The following TOP1MT variants were observed in gnomAD, a reference collection of about 807,000 sequenced individuals.
TOP1MT encodes DNA topoisomerase I mitochondrial.
In TOP1MT, 80 loss-of-function variants were observed where a neutral mutation model predicts 73.9. That is an observed-to-expected ratio of 1.08 (90% CI 0.90 to 1.30). The LOEUF (loss-of-function observed/expected upper bound fraction) is 1.30, where lower values mean the gene tolerates loss of function less well. Among genes scored for constraint, TOP1MT ranks in the 50% most tolerant of loss-of-function variants. The pLI is 0.00. For synonymous variants in TOP1MT, 338 were observed against 326.4 expected (o/e 1.04, Z -0.38); for missense variants, 815 against 808.0 (o/e 1.01, Z -0.10).
At chr8:143,330,172 G>C (rs1816813943) in intron 2 of TOP1MT, among the ~76,000 whole-genome samples, 1 of 152,242 alleles carries the variant, frequency 6.6e-6, no homozygotes, top group Admixed American at 6.5e-5. Flanking sequence ...GAGACCAGCA[G>C]CACAGGCCCG....
intron 1 of TOP1MT, 100 bp downstream of exon 1, chr8:143,334,640 G>A: frequency 1.3e-6 from 2 of 1,503,014 alleles, no homozygotes; most frequent in Non-Finnish European, 1.8e-6. Context: ...AAAACCGGAA[G>A]CAGGGCAAGG....
chr8:143,329,396 G>A lies in TOP1MT; in HGVS notation c.314C>T (p.Thr105Ile). 1 of 1,610,094 alleles carries A rather than the reference G, an allele frequency of 6.2e-7. No homozygotes were observed. Among genetic ancestry groups the A allele is most frequent in the Non-Finnish European group, 8.5e-7 (1 of 1,178,980 alleles). Residue 105 changes from threonine to isoleucine, a missense_variant, in exon 3 of 14, where the codon ACA (threonine) becomes ATA (isoleucine). Around this residue, in one of 3 missense-constraint regions of TOP1MT, gnomAD observed 751 missense variants for 725.4 expected, o/e 1.04. Coordinates refer to ENST00000329245, the MANE Select transcript of TOP1MT (RefSeq NM_052963.3). ...GTTCTTCCGGAAAACCTCCTTTGTT[G>A]TGTATTCATGATCTAACATCCTCCC... Reference protein sequence around the residue: ...FYGRMLDHEYTTKEVFRKNFF... With the variant: ...FYGRMLDHEYITKEVFRKNFF...
Position 143,334,125 on chromosome 8 carries a change from C to T in TOP1MT, c.122+615G>A, listed in dbSNP as rs566287155. On this transcript the variant is annotated intron_variant, in intron 1 of 13. Coordinates refer to ENST00000329245, the MANE Select transcript of TOP1MT (RefSeq NM_052963.3). ...CCACGCACCAGTGAGGCTGTCAACT[C>T]TCCAGCTCTTCGGAAACTCCAGCAT... is the stretch of plus-strand genomic sequence containing the variant. 7 of 141,800 alleles carry T rather than the reference C, an allele frequency of 4.9e-5. No homozygotes were observed. In the South Asian group the frequency reaches 1.5e-3, roughly 29 times the overall value. The allele number at this position is 141,800 out of a possible 1,614,324, so 8.8% of individuals were successfully genotyped here. A position where few individuals can be genotyped will look rare whatever the true frequency, so the allele number is the denominator to read the frequency against.
chr8:143,356,306 C>T (rs182915580), upstream of TOP1MT, among the ~76,000 whole-genome samples: 2 of 152,328 alleles, frequency 1.3e-5, no homozygotes, highest in South Asian at 2.1e-4. Flanking sequence ...GATGGACAAG[C>T]GTGCAGTCCC....
intron 9 of TOP1MT, 68 bp downstream of exon 9, chr8:143,317,950 C>G (rs1463280996): frequency 6.3e-7 from 1 of 1,596,630 alleles, no homozygotes; most frequent in Non-Finnish European, 8.6e-7. Context: ...CTGGGCCAGA[C>G]TCAGCGCCCA....
chr8:143,327,673 G>A (rs1338872649), intron 3 of TOP1MT: 1 of 360,770 alleles, frequency 2.8e-6, no homozygotes, highest in African/African-American at 2.1e-5. Context: ...CTAGTGACTG[G>A]AAGAAGTGCT....
Position 143,324,147 on chromosome 8 carries a change from A to G in TOP1MT, c.817-5T>C. The G allele has an allele frequency of 6.2e-7, 1 of 1,612,784 alleles. No homozygotes were observed. Among genetic ancestry groups the G allele is most frequent in the Non-Finnish European group, 8.5e-7 (1 of 1,179,716 alleles). On this transcript the variant is annotated splice_region_variant and splice_polypyrimidine_tract_variant and intron_variant, in intron 6 of 13. Transcript: ENST00000329245. ...CTTCTGCCAAGCTGTCTCCCCCTAA[A>G]CGAAGAAAATAACAGGAAAGAAAAC...
upstream of TOP1MT, among the ~76,000 whole-genome samples, chr8:143,337,351 G>A (rs1817000064): frequency 1.3e-5 from 2 of 152,120 alleles, no homozygotes; most frequent in South Asian, 4.1e-4. Flanking sequence ...CTTGCAGTGA[G>A]CCGAGATCAC....
At chr8:143,326,365 C>A in intron 3 of TOP1MT, 21 bp from the exon 4 acceptor site, 1 of 1,613,706 alleles carries the variant, frequency 6.2e-7, no homozygotes, top group Non-Finnish European at 8.5e-7. Context: ...CACAGACACG[C>A]GCTCTCACCA....
Position 143,317,668 on chromosome 8 carries a change from C to A in TOP1MT, c.1330+55G>T. Reference sequence around the variant, plus strand: ...ACAAGGGCCAGCCGGGGAGCCCGGTCTGGGGCAGGGGCCGTGCTCCCCCCG... The same window carrying A: ...ACAAGGGCCAGCCGGGGAGCCCGGTATGGGGCAGGGGCCGTGCTCCCCCCG... On this transcript the variant is annotated intron_variant, in intron 10 of 13. Transcript: ENST00000329245. 3 of 1,467,754 alleles carry A rather than the reference C, an allele frequency of 2.0e-6. No homozygotes were observed. The South Asian group carries it at 3.5e-5, about 17-fold the overall frequency. 90.9% of individuals were successfully genotyped at this position (1,467,754 alleles called of 1,614,324 possible). A position where few individuals can be genotyped will look rare whatever the true frequency, so the allele number is the denominator to read the frequency against.
intron 12 of TOP1MT, 94 bp downstream of exon 12, chr8:143,315,633 C>A (rs1586750027): frequency 5.0e-6 from 4 of 796,436 alleles, no homozygotes; most frequent in Admixed American, 2.4e-5. Context: ...CACAAGGAGA[C>A]AACAAGGGTC....
upstream of TOP1MT, chr8:143,359,553 G>T: frequency 2.4e-6 from 1 of 422,854 alleles, no homozygotes; most frequent in Non-Finnish European, 3.2e-6. Context: ...GGGGCAGCCA[G>T]GGGAGAGGAC....
At chr8:143,331,421 C>T (rs1166261639) in intron 1 of TOP1MT, 82 bp from the exon 2 acceptor site, 1 of 1,213,136 alleles carries the variant, frequency 8.2e-7, no homozygotes, top group East Asian at 2.4e-5. Context: ...TGGCTCCTCC[C>T]TGTGGCTCCT....
intron 2 of TOP1MT, among the ~76,000 whole-genome samples, chr8:143,330,085 A>G (rs1056077571): frequency 3.3e-5 from 5 of 152,232 alleles, no homozygotes; most frequent in Non-Finnish European, 7.4e-5. Flanking sequence ...ATTTGGTAAG[A>G]AGGAGGAAGG....
At chr8:143,335,485 G>A (rs1413734878), upstream of TOP1MT, among the ~76,000 whole-genome samples, 2 of 152,200 alleles carry the variant, frequency 1.3e-5, no homozygotes. Context: ...CCAGAGACCA[G>A]GCACAGCTGG....
upstream of TOP1MT, chr8:143,359,434 C>T: frequency 1.0e-6 from 1 of 985,280 alleles, no homozygotes; most frequent in Non-Finnish European, 1.2e-6. Context: ...GGAATCCCAT[C>T]AGCGACGGCC....
rs1817104905 is a variant in TOP1MT at position 143,342,157 on chromosome 8, CAGAGTCTCGCTCTGTTATTATTAGAG to C, written c.29+1037_29+1062del. On this transcript the variant is annotated intron_variant, in intron 2 of 5. Transcript: ENST00000518007. ...CTGTTATTATTATTATTATTAGAGA[CAGAGTCTCGCTCTGTTATTATTAGAG>C]ACAGTCTCGCTGTTATTATTATTAT... is the stretch of plus-strand genomic sequence containing the variant. Among the ~76,000 whole-genome samples, 2 of 123,150 alleles carry C rather than the reference CAGAGTCTCGCTCTGTTATTATTAGAG, an allele frequency of 1.6e-5. 1 individual carries two copies. Among genetic ancestry groups the C allele is most frequent in the African/African-American group, 8.6e-5 (2 of 23,252 alleles). 80.8% of individuals were successfully genotyped at this position (123,150 alleles called of 152,430 possible).
At chr8:143,354,712 CAA>C (rs35838737) in intron 1 of TOP1MT, among the ~76,000 whole-genome samples, 9 of 127,224 alleles carry the variant, frequency 7.1e-5, no homozygotes, top group African/African-American at 1.1e-4. Flanking sequence ...AACTCCATTT[CAA>C]AAAAAAAAAA....
rs765109086 is a variant in TOP1MT, at chr8:143,325,332, G to A, written c.671+14C>T. 62 of 1,576,176 alleles carry A rather than the reference G, an allele frequency of 3.9e-5. 2 individuals carry two copies. Among genetic ancestry groups the A allele is most frequent in the Non-Finnish European group, 4.5e-5 (52 of 1,155,422 alleles). ...GGGGTCCAGTGCCCGCCTGCTGCCC[G>A]CCCGGCCACGCACCTGCTGCAGTTG... On this transcript the variant is annotated intron_variant, in intron 5 of 13. Coordinates refer to ENST00000329245, the MANE Select transcript of TOP1MT (RefSeq NM_052963.3).
Sources: allele counts gnomAD v4.1 joint callset (sites outside exome capture counted in the v4.1 genomes callset), GRCh38; gene constraint gnomAD v4.1.1; regional missense constraint gnomAD v4.1.1; transcripts MANE v1.5; gene names NCBI Gene and HGNC (gene_info 2026-07-23, HGNC 2026-07-21).